The following PTH variants were observed in gnomAD, a reference collection of about 807,000 sequenced individuals.
The protein encoded by PTH is parathormone.
Under a neutral mutation model 7.4 loss-of-function variants are expected in PTH, and 7 were observed. That is an observed-to-expected ratio of 0.94 (90% confidence interval 0.53 to 1.77). The LOEUF is 1.77. Among genes scored for constraint, PTH ranks in the 40% most tolerant of loss-of-function variants. PTH has a pLI of 0.00. For synonymous variants in PTH, 51 were observed against 46.6 expected, an observed-to-expected ratio of 1.09 and a Z score of -0.39; for missense variants, 128 against 137.1, an observed-to-expected ratio of 0.93 and a Z score of 0.33.
At chr11:13,495,175 T>C (rs1847523870) in intron 1 of PTH, among the ~76,000 whole-genome samples, 1 of 152,232 alleles carries the variant, frequency 6.6e-6, no homozygotes, top group Non-Finnish European at 1.5e-5. Context: ...CAATTATCTT[T>C]TAATATAACT....
chr11:13,492,345 A>G lies in PTH; in HGVS notation c.*60T>C, dbSNP rs1352778855. 3 of 1,590,986 alleles carry G rather than the reference A, an allele frequency of 1.9e-6. No individual in the cohort carries two copies. Among genetic ancestry groups the G allele is most frequent in the Non-Finnish European group, 1.7e-6 (2 of 1,170,774 alleles). ...AATCTTAATAGAGCTTTGAATTAGC[A>G]GCATGTATTGTTGCCCTACACTGTC... is the stretch of plus-strand genomic sequence containing the variant. On this transcript the variant is annotated 3_prime_UTR_variant, in exon 3 of 3. Coordinates refer to ENST00000282091, the MANE Select transcript of PTH (RefSeq NM_000315.4).
intron 1 of PTH, among the ~76,000 whole-genome samples, chr11:13,494,259 C>T (rs191578085): frequency 2.6e-5 from 4 of 152,226 alleles, no homozygotes; most frequent in East Asian, 3.9e-4. Context: ...CCAGCCCTCC[C>T]TGCATCTACT....
chr11:13,492,468 T>C lies in PTH; in HGVS notation c.285A>G (p.Glu95=). ...CTTTGTCTGCCTCTCCAAGACTTTT[T>C]TCATGGCTCTCAACCAAGACATTGT... ...KEDNVLVESH[E]KSLGEADKAD... is the part of the protein sequence containing the mutation. Residue 95 remains glutamate, a synonymous_variant, in exon 3 of 3, where the codon GAA becomes GAG. Transcript: ENST00000282091. The C allele has an allele frequency of 6.2e-7, 1 of 1,614,184 alleles. No individual in the cohort carries two copies. Among genetic ancestry groups the C allele is most frequent in the Non-Finnish European group, 8.5e-7 (1 of 1,180,018 alleles).
At chr11:13,496,074 T>A (rs1847532349), upstream of PTH, 1 of 152,120 alleles carries the variant, frequency 6.6e-6, no homozygotes, top group Non-Finnish European at 1.5e-5. Context: ...ACAGATGATG[T>A]CACTCCCAAT....
intron 1 of PTH, among the ~76,000 whole-genome samples, chr11:13,493,485 A>G (rs2134093690): frequency 6.6e-6 from 1 of 152,388 alleles, no homozygotes; most frequent in East Asian, 1.9e-4. Context: ...ATGACTGGCC[A>G]AGTAAATAAC....
At position 13,492,308 on chromosome 11, in the gene PTH, T is replaced by C. The variant is rs574555824; in HGVS notation, c.*97A>G. 200 of 1,484,398 alleles carry C rather than the reference T, an allele frequency of 1.3e-4. 1 individual carries two copies. In the South Asian group the frequency reaches 2.2e-3, roughly 16 times the overall value. 92.0% of individuals were successfully genotyped at this position (1,484,398 alleles called of 1,614,324 possible). ...CATGTAGTTTGTTATATCAGAAATA[T>C]TGGCACTTGGAAATCTTAATAGAGC... On this transcript the variant is annotated 3_prime_UTR_variant, in exon 3 of 3. Transcript: ENST00000282091.
rs542200556 is a variant in PTH, at chr11:13,492,216, CAAAT to C, written c.*185_*188del. 48 of 611,454 alleles carry C rather than the reference CAAAT, an allele frequency of 7.9e-5. No homozygotes were observed. Among genetic ancestry groups the C allele is most frequent in the Non-Finnish European group, 1.2e-4 (43 of 366,742 alleles). The allele number at this position is 611,454 out of a possible 1,614,324, so 37.9% of individuals were successfully genotyped here. The stretch of plus-strand genomic sequence containing the variant: ...AATAGAAAAGATAATTAAAATAACT[CAAAT>C]GAATAAAAGTGGAATCAGAATAATC... On this transcript the variant is annotated 3_prime_UTR_variant, in exon 3 of 3. Coordinates refer to ENST00000282091, the MANE Select transcript of PTH (RefSeq NM_000315.4).
rs2134093020 is a variant in PTH, at chr11:13,492,567, C to T, written c.186G>A (p.Val62=). The change falls in exon 3 of 3, where the codon GTG becomes GTA. Residue 62 remains valine (V), a synonymous_variant. Transcript: ENST00000282091. ...GAGCTCCAAGGGCAACAAAATTGTG[C>T]ACATCCTGCAGCTTCTTACGCAGCC... is the stretch of plus-strand genomic sequence containing the variant. The part of the protein sequence containing the change: ...VEWLRKKLQD[V]HNFVALGAPL... 1 of 1,614,118 alleles carries T rather than the reference C, an allele frequency of 6.2e-7. No individual in the cohort carries two copies. Among genetic ancestry groups the T allele is most frequent in the Non-Finnish European group, 8.5e-7 (1 of 1,180,020 alleles).
In PTH at chr11:13,492,786, C is replaced by G; in HGVS notation, c.70G>C (p.Asp24His). ...MLAICFLTKSDGKSVKKRSVS... is the reference protein window; with the variant it reads ...MLAICFLTKSHGKSVKKRSVS... ...AGTACTTACTTAACAGATTTCCCAT[C>G]CGATTTTGTAAGAAAACAAATTGCC... Residue 24 changes from aspartate to histidine, a missense_variant, in exon 2 of 3, where the codon GAT (aspartate) becomes CAT (histidine). Asp to His is a moderately conservative substitution (Grantham distance 81). Coordinates refer to ENST00000282091, the MANE Select transcript of PTH (RefSeq NM_000315.4). 1 of 1,613,992 alleles carries G rather than the reference C, an allele frequency of 6.2e-7. No individual in the cohort carries two copies. The highest frequency in any genetic ancestry group is 1.1e-5 in the South Asian group (1 of 91,084).
intron 1 of PTH, among the ~76,000 whole-genome samples, chr11:13,493,089 T>G (rs948698510): frequency 6.7e-6 from 1 of 150,058 alleles, no homozygotes; most frequent in Non-Finnish European, 1.5e-5. Context: ...CAAGTTTTAT[T>G]TATTTATTTA....
chr11:13,495,147 T>C (rs1051958550), intron 1 of PTH, among the ~76,000 whole-genome samples: 1 of 152,232 alleles, frequency 6.6e-6, no homozygotes, highest in African/African-American at 2.4e-5. Flanking sequence ...AGCTTATTTC[T>C]TCAACTTATT....
At chr11:13,493,567 C>T (rs533492175) in intron 1 of PTH, among the ~76,000 whole-genome samples, 46 of 152,346 alleles carry the variant, frequency 3.0e-4, no homozygotes, top group South Asian at 2.3e-3. Context: ...TAGATAATCA[C>T]GCATCTGCGA....
In PTH at chr11:13,492,086, T is replaced by C. The variant is rs16912873; in HGVS notation, c.*319A>G. Reference sequence around the variant, plus strand: ...GAAATACTTCATTTATTTAGACTTATGATCATTACATTTTTGTTTTACATT... The same window carrying C: ...GAAATACTTCATTTATTTAGACTTACGATCATTACATTTTTGTTTTACATT... On this transcript the variant is annotated 3_prime_UTR_variant, in exon 3 of 3. Transcript: ENST00000282091. 5,959 of 301,604 alleles carry C rather than the reference T, an allele frequency of 0.02. 332 individuals carry two copies. Among genetic ancestry groups the C allele is most frequent in the African/African-American group, 0.12 (5,484 of 45,608 alleles). The allele number at this position is 301,604 out of a possible 1,614,324, so 18.7% of individuals were successfully genotyped here.
At chr11:13,494,299 A>G (rs1216933058) in intron 1 of PTH, among the ~76,000 whole-genome samples, 1 of 152,128 alleles carries the variant, frequency 6.6e-6, no homozygotes, top group Non-Finnish European at 1.5e-5. Context: ...GCCCTGTTAC[A>G]CTACTGCCAG....
chr11:13,492,168 A>G lies in PTH; in HGVS notation c.*237T>C. On this transcript the variant is annotated 3_prime_UTR_variant, in exon 3 of 3. Transcript: ENST00000282091. ...TTTATTCTTTTATAAATTATGCAAT[A>G]ACATACTTTAAAAAGAATAAACAAT... The G allele has an allele frequency of 4.0e-6, 2 of 498,460 alleles. No homozygotes were observed. Among genetic ancestry groups the G allele is most frequent in the South Asian group, 6.1e-5 (2 of 32,528 alleles). The allele number at this position is 498,460 out of a possible 1,614,324, so 30.9% of individuals were successfully genotyped here.
At chr11:13,496,025 A>C, upstream of PTH, 1 of 152,274 alleles carries the variant, frequency 6.6e-6, no homozygotes, top group Non-Finnish European at 1.5e-5. Context: ...ACTTTTATAT[A>C]TAGGTCTTCT....
At chr11:13,492,994 A>T (rs1016262280) in intron 1 of PTH, 134 bp from the exon 2 acceptor site, 1 of 748,048 alleles carries the variant, frequency 1.3e-6, no homozygotes, top group Non-Finnish European at 2.2e-6. Context: ...TATTTTATGG[A>T]TACATTAGTA....
chr11:13,495,875 C>T (rs914841011), intron 1 of PTH, 36 bp downstream of exon 1: 2 of 152,136 alleles, frequency 1.3e-5, no homozygotes, highest in Non-Finnish European at 2.9e-5. Context: ...ATCAAAATCT[C>T]ATGAGATTCA....
chr11:13,492,699 C>G, intron 2 of PTH, 33 bp from the exon 3 acceptor site: 1 of 1,613,968 alleles, frequency 6.2e-7, no homozygotes, highest in Non-Finnish European at 8.5e-7. Context: ...GGGCCACTTC[C>G]CATTAGCTCC....
Sources: gnomAD v4.1 joint callset for allele counts (sites outside exome capture counted in the v4.1 genomes callset) on GRCh38, gnomAD v4.1.1 for gene constraint, MANE v1.5 for transcripts, NCBI Gene and HGNC (gene_info 2026-07-23, HGNC 2026-07-21) for gene names.